MTOR: variants seen among roughly 807,000 people sequenced by gnomAD.
MTOR encodes mechanistic target of rapamycin kinase.
MTOR carries 70 observed loss-of-function variants against 319.8 expected under a neutral mutation model. That is an observed-to-expected ratio of 0.22 (90% CI 0.18 to 0.27). The LOEUF (loss-of-function observed/expected upper bound fraction) is 0.27, where lower values mean the gene tolerates loss of function less well. Among genes scored for constraint, MTOR ranks in the 10% least tolerant of loss-of-function variants. The pLI, the probability that MTOR is intolerant of heterozygous loss-of-function variation, is 1.00. For missense variants in MTOR, 1,890 were observed against 3,274.4 expected (o/e 0.58, Z 10.32); for synonymous variants, 1,183 against 1,211.4 (o/e 0.98, Z 0.49).
At chr1:11,148,961 T>C (rs1644043919) in intron 31 of MTOR, among the ~76,000 whole-genome samples, 1 of 151,862 alleles carries the variant, frequency 6.6e-6, no homozygotes, top group Non-Finnish European at 1.5e-5. Context: ...AGACGGAGTG[T>C]CACTATGTTG....
In MTOR at chr1:11,174,219, G is replaced by A. The variant is rs151251831; in HGVS notation, c.4254-6702C>T. ...AGCTCTGCAATGGGAGGGACAGGCG[G>A]TGTCTTAGCTTTCTCCTCTTGGCAT... On this transcript the variant is annotated intron_variant, in intron 28 of 57. Transcript: ENST00000361445. 6.9e-3 allele frequency among the ~76,000 whole-genome samples: 1,045 copies of A among 152,278 alleles called. 11 individuals are homozygous for A. The highest frequency in any genetic ancestry group is 0.023 in the African/African-American group (967 of 41,562).
intron 46 of MTOR, among the ~76,000 whole-genome samples, chr1:11,125,457 G>A (rs1385499331): frequency 2.6e-5 from 4 of 152,128 alleles, no homozygotes; most frequent in Non-Finnish European, 4.4e-5. Context: ...GAGGCTGGGC[G>A]CGGTGGCTCA....
chr1:11,136,873 C>T (rs141388370), intron 36 of MTOR, among the ~76,000 whole-genome samples: 197 of 148,432 alleles, frequency 1.3e-3, no homozygotes, highest in African/African-American at 4.7e-3. Flanking sequence ...CAGAGTTTCG[C>T]TCTTGTCACC....
chr1:11,190,072 T>G, intron 28 of MTOR: 2 of 1,230,396 alleles, frequency 1.6e-6, no homozygotes, highest in Non-Finnish European at 2.2e-6. Flanking sequence ...ACACTTTCCC[T>G]TTAGTAAAGG....
rs139687094 is a variant in MTOR at position 11,238,574 on chromosome 1, G to A, written c.1830C>T (p.Phe610=). 1.8e-3 allele frequency: 2,932 copies of A among 1,614,166 alleles called. 10 individuals carry two copies. The highest frequency in any genetic ancestry group is 2.2e-3 in the Non-Finnish European group (2,539 of 1,180,020). Residue 610 remains phenylalanine, a synonymous_variant, in exon 12 of 58, where the codon TTC becomes TTT. Coordinates refer to ENST00000361445, the MANE Select transcript of MTOR (RefSeq NM_004958.4). ...TQFVRHCADH[F]LNSEHKEIRM... ...GGATCTCCTTGTGCTCACTGTTCAG[G>A]AAATGATCCGCACAGTGGCGAACAA...
intron 30 of MTOR, among the ~76,000 whole-genome samples, chr1:11,152,068 TGGGAACAGCTGTC>T (rs1185378663): frequency 6.6e-6 from 1 of 152,218 alleles, no homozygotes; most frequent in Non-Finnish European, 1.5e-5. Flanking sequence ...TGCAGCTGTG[TGGGAACAGCTGTC>T]AGAGCTTGGT....
chr1:11,146,605 A>G (rs1643937814), intron 32 of MTOR, 71 bp downstream of exon 32: 1 of 1,195,450 alleles, frequency 8.4e-7, no homozygotes, highest in Non-Finnish European at 1.2e-6. Flanking sequence ...CTTCTTTACC[A>G]AAGCACCGTG....
chr1:11,181,625 G>T (rs1645147569), intron 28 of MTOR, among the ~76,000 whole-genome samples: 1 of 152,158 alleles, frequency 6.6e-6, no homozygotes, highest in Non-Finnish European at 1.5e-5. Flanking sequence ...ACTAAGACCT[G>T]AAGAAGGAAA....
chr1:11,232,571 T>C (rs1207879266), intron 15 of MTOR, 43 bp from the exon 16 acceptor site: 1 of 1,565,944 alleles, frequency 6.4e-7, no homozygotes, highest in East Asian at 2.3e-5. Flanking sequence ...TTAGAAATTC[T>C]GGCATTAGAA....
At chr1:11,148,642 C>T (rs1644025145) in intron 31 of MTOR, among the ~76,000 whole-genome samples, 1 of 152,114 alleles carries the variant, frequency 6.6e-6, no homozygotes, top group South Asian at 2.1e-4. Context: ...TGGCTCACAC[C>T]TGTAATTCCA....
rs750985178 is a variant in MTOR at position 11,192,261 on chromosome 1, C to T, written c.4253+6997G>A. 5.0e-6 allele frequency: 8 copies of T among 1,604,942 alleles called. No homozygotes were observed. In the East Asian group the frequency reaches 1.8e-4, roughly 36 times the overall value. Reference sequence around the variant, plus strand: ...CTAAATGCTCACCCTGTGGTTTGTTCTCTTGTAGATGCCATCTACGACTGC... The same window carrying T: ...CTAAATGCTCACCCTGTGGTTTGTTTTCTTGTAGATGCCATCTACGACTGC... On this transcript the variant is annotated intron_variant, in intron 28 of 57. Transcript: ENST00000361445.
intron 32 of MTOR, 151 bp from the exon 33 acceptor site, chr1:11,145,196 C>G: frequency 1.5e-6 from 1 of 669,620 alleles, no homozygotes. Context: ...TTTCCCAGAA[C>G]TGAATGGCTT....
chr1:11,121,409 G>C lies in MTOR; in HGVS notation c.6811-41C>G, dbSNP rs2100357612. Reference sequence around the variant, plus strand: ...ACTGTTCAGTAAGAGAGCAGCCTAAGACATGTAGTTTGGGTCCAGGAAGAA... The same window carrying C: ...ACTGTTCAGTAAGAGAGCAGCCTAACACATGTAGTTTGGGTCCAGGAAGAA... On this transcript the variant is annotated intron_variant, in intron 48 of 57. Transcript: ENST00000361445. This position sits in a 1 kb window ranked among gnomAD's most constrained non-coding sequence, Gnocchi z 4.9. The C allele has an allele frequency of 6.2e-7, 1 of 1,610,468 alleles. No individual in the cohort carries two copies. Among genetic ancestry groups the C allele is most frequent in the Non-Finnish European group, 8.5e-7 (1 of 1,178,536 alleles).
At chr1:11,189,732 G>A (rs28990992) in intron 28 of MTOR, 2 of 1,614,128 alleles carry the variant, frequency 1.2e-6, no homozygotes, top group Admixed American at 1.7e-5. Context: ...AGGTGAAGGA[G>A]CTCAAGGCCC....
At chr1:11,253,543 C>G (rs539401173) in intron 6 of MTOR, among the ~76,000 whole-genome samples, 1 of 152,236 alleles carries the variant, frequency 6.6e-6, no homozygotes, top group African/African-American at 2.4e-5. Context: ...GCCTGGAACA[C>G]AGTCCCCCGG....
chr1:11,246,168 G>A (rs72856980), intron 8 of MTOR, among the ~76,000 whole-genome samples: 9,068 of 152,138 alleles, frequency 0.06, 385 homozygotes, highest in South Asian at 0.12. Flanking sequence ...AAACAACCTT[G>A]ACTAACCTTA....
rs370187573 is a variant in MTOR at position 11,170,189 on chromosome 1, T to C, written c.4254-2672A>G. On this transcript the variant is annotated intron_variant, in intron 28 of 57. Coordinates refer to ENST00000361445, the MANE Select transcript of MTOR (RefSeq NM_004958.4). Reference sequence around the variant, plus strand: ...ATGGTTTCCCTTAGGAAGCCCTATATGAGGTTTTCTAAGCTAAGAATGAAA... The same window carrying C: ...ATGGTTTCCCTTAGGAAGCCCTATACGAGGTTTTCTAAGCTAAGAATGAAA... Among the ~76,000 whole-genome samples, 14 of 152,284 alleles carry C rather than the reference T, an allele frequency of 9.2e-5. No individual in the cohort carries two copies. In the East Asian group the frequency reaches 2.5e-3, roughly 27 times the overall value.
chr1:11,243,395 A>G (rs2100923401), intron 8 of MTOR, 95 bp from the exon 9 acceptor site: 3 of 1,230,260 alleles, frequency 2.4e-6, no homozygotes, highest in Non-Finnish European at 3.4e-6. Context: ...CAGTTTAAGA[A>G]TAAATTAAGA....
intron 34 of MTOR, among the ~76,000 whole-genome samples, chr1:11,143,390 C>T (rs1477791303): frequency 2.6e-5 from 4 of 152,190 alleles, no homozygotes; most frequent in Admixed American, 6.5e-5. Flanking sequence ...CATCAGATCT[C>T]TGCTGTAGAA....
Sources: gnomAD v4.1 joint callset for allele counts (sites outside exome capture counted in the v4.1 genomes callset) on GRCh38, gnomAD v4.1.1 for gene constraint, Gnocchi (gnomAD v3.1) non-coding constraint, MANE v1.5 for transcripts, NCBI Gene and HGNC (gene_info 2026-07-23, HGNC 2026-07-21) for gene names.